The following UBE4A variants were observed in gnomAD, a reference collection of about 807,000 sequenced individuals.
UBE4A encodes ubiquitination factor E4A, also known as ubiquitin conjugation factor E4 A.
UBE4A carries 48 observed loss-of-function variants against 117.9 expected under a neutral mutation model. The ratio of observed to expected loss-of-function variants is 0.41; its 90% CI spans 0.32 to 0.52. The LOEUF is 0.52. Among genes scored for constraint, UBE4A ranks in the 20% least tolerant of loss-of-function variants. The pLI is 0.33. For synonymous variants in UBE4A, 407 were observed against 450.0 expected, an observed-to-expected ratio of 0.90 and a Z score of 1.21; for missense variants, 1,067 against 1,296.3, an observed-to-expected ratio of 0.82 and a Z score of 2.72.
chr11:118,363,268 G>A (rs548511344), intron 1 of UBE4A, among the ~76,000 whole-genome samples: 100 of 152,238 alleles, frequency 6.6e-4, no homozygotes, highest in African/African-American at 2.1e-3. Context: ...AAGGCCAGGC[G>A]CAGTGACTCA....
intron 13 of UBE4A, 92 bp downstream of exon 13, chr11:118,382,868 C>G (rs1948718204): frequency 1.7e-6 from 2 of 1,208,354 alleles, no homozygotes; most frequent in Non-Finnish European, 2.2e-6. Context: ...AAAGAAATGT[C>G]AAGCCATTAC....
chr11:118,361,885 A>G (rs1261511119), intron 1 of UBE4A, among the ~76,000 whole-genome samples: 1 of 152,242 alleles, frequency 6.6e-6, no homozygotes, highest in East Asian at 1.9e-4. Flanking sequence ...TGTGATGTAT[A>G]ATGCCAGACA....
chr11:118,370,008 T>A (rs944963573), intron 4 of UBE4A, among the ~76,000 whole-genome samples: 1 of 151,702 alleles, frequency 6.6e-6, no homozygotes, highest in African/African-American at 2.4e-5. Context: ...AGGAGAATGG[T>A]TTAAACCCAG....
chr11:118,364,575 G>A (rs1948547845), intron 1 of UBE4A, among the ~76,000 whole-genome samples: 1 of 151,972 alleles, frequency 6.6e-6, no homozygotes, highest in Admixed American at 6.6e-5. Flanking sequence ...TCCATCCCCA[G>A]CCCTAAGTCA....
chr11:118,372,467 A>G (rs1403258403), intron 5 of UBE4A, 40 bp from the exon 6 acceptor site: 2 of 1,569,020 alleles, frequency 1.3e-6, no homozygotes, highest in Admixed American at 2.0e-5. Context: ...TCCAGATTAC[A>G]GAGTTAGACT....
chr11:118,368,824 C>T lies in UBE4A; in HGVS notation c.295+20C>T. On this transcript the variant is annotated intron_variant, in intron 3 of 19. Transcript: ENST00000252108. ...ACAACAGTGAGTTACAAACTTATAG[C>T]ATTATTCTACCCTTCCTATTTGAGC... The T allele has an allele frequency of 1.2e-6, 2 of 1,612,794 alleles. No homozygotes were observed. Among genetic ancestry groups the T allele is most frequent in the Non-Finnish European group, 8.5e-7 (1 of 1,179,072 alleles).
In UBE4A at chr11:118,389,775, A is replaced by AT; in HGVS notation, c.2639dup (p.Met880IlefsTer26). ...CTTCCTGGCTGAGCGCATCATCTCC[A>AT]TGTTGAACTACTTCCTGCAACACCT... On this transcript the variant is annotated frameshift_variant, in exon 17 of 20. Coordinates refer to ENST00000252108, the MANE Select transcript of UBE4A (RefSeq NM_001204077.2). LOFTEE classifies it high-confidence loss of function. 6.2e-7 allele frequency: 1 copy of AT among 1,613,862 alleles called. No individual in the cohort carries two copies. The highest frequency in any genetic ancestry group is 8.5e-7 in the Non-Finnish European group (1 of 1,179,794).
chr11:118,381,027 G>A (rs1446317639), intron 11 of UBE4A, among the ~76,000 whole-genome samples: 1 of 152,106 alleles, frequency 6.6e-6, no homozygotes, highest in Non-Finnish European at 1.5e-5. Context: ...ATGATCATTG[G>A]AGGACCATCC....
chr11:118,386,728 A>C, intron 16 of UBE4A, 116 bp downstream of exon 16: 1 of 1,152,872 alleles, frequency 8.7e-7, no homozygotes, highest in Non-Finnish European at 1.2e-6. Context: ...TATCCTCCAC[A>C]TCTGGAAGGG....
In UBE4A at chr11:118,384,633, A is replaced by G. The variant is rs1307700675; in HGVS notation, c.2198-2A>G. 11 of 1,613,776 alleles carry G rather than the reference A, an allele frequency of 6.8e-6. No individual in the cohort carries two copies. Among genetic ancestry groups the G allele is most frequent in the Non-Finnish European group, 6.8e-6 (8 of 1,179,876 alleles). On this transcript the variant is annotated splice_acceptor_variant, in intron 13 of 19. Coordinates refer to ENST00000252108, the MANE Select transcript of UBE4A (RefSeq NM_001204077.2). LOFTEE classifies it high-confidence loss of function. ...TGATATTTCGCTCTTGCCTTACTCCAGGAGACCCCCATCAATTTGAACAGA... is the reference window on the plus strand; with the variant it reads ...TGATATTTCGCTCTTGCCTTACTCCGGGAGACCCCCATCAATTTGAACAGA...
At chr11:118,386,661 C>T (rs782171537) in intron 16 of UBE4A, 49 bp downstream of exon 16, 34 of 1,475,652 alleles carry the variant, frequency 2.3e-5, no homozygotes, top group Non-Finnish European at 3.0e-5. Context: ...TGGCCAAGAT[C>T]AGCTTCACTT....
chr11:118,367,259 AT>A (rs1948571649), intron 2 of UBE4A, among the ~76,000 whole-genome samples: 1 of 151,894 alleles, frequency 6.6e-6, no homozygotes, highest in South Asian at 2.1e-4. Context: ...AAAAAAAAAA[AT>A]CGAAGGAATT....
chr11:118,397,677 C>T lies in UBE4A; in HGVS notation c.*1237C>T, dbSNP rs1362176602. On this transcript the variant is annotated 3_prime_UTR_variant, in exon 20 of 20. Coordinates refer to ENST00000252108, the MANE Select transcript of UBE4A (RefSeq NM_001204077.2). ...ATTCCCCTATGGATTATCTTTATATCACTGTCTTTCTAAGCCCAGAGATGT... is the reference window on the plus strand; with the variant it reads ...ATTCCCCTATGGATTATCTTTATATTACTGTCTTTCTAAGCCCAGAGATGT... 1 of 152,184 alleles carries T rather than the reference C, an allele frequency of 6.6e-6. No individual in the cohort carries two copies. Among genetic ancestry groups the T allele is most frequent in the African/African-American group, 2.4e-5 (1 of 41,452 alleles). 9.4% of individuals were successfully genotyped at this position (152,184 alleles called of 1,614,324 possible).
intron 6 of UBE4A, 110 bp from the exon 7 acceptor site, chr11:118,372,976 C>T: frequency 1.8e-6 from 2 of 1,083,574 alleles, no homozygotes; most frequent in Non-Finnish European, 1.3e-6. Flanking sequence ...AAAACAAGAC[C>T]CCCAGCTCTA....
intron 1 of UBE4A, among the ~76,000 whole-genome samples, chr11:118,359,903 T>G (rs1284352919): frequency 6.6e-6 from 1 of 152,174 alleles, no homozygotes; most frequent in African/African-American, 2.4e-5. Context: ...TGTCCCCATC[T>G]TTGCCAAGCC....
Position 118,376,602 on chromosome 11 carries a change from A to C in UBE4A, c.1479A>C (p.Pro493=), listed in dbSNP as rs1555125413. ...RGLDKETCLI[P]AVQEPKFPQN... ...TGGACAAAGAAACCTGTTTGATCCC[A>C]GCTGTGCAGGAGCCGAAGTTTCCAC... The change falls in exon 10 of 20, where the codon CCA becomes CCC. Residue 493 remains proline, a synonymous_variant. Coordinates refer to ENST00000252108, the MANE Select transcript of UBE4A (RefSeq NM_001204077.2). 6.2e-7 allele frequency: 1 copy of C among 1,613,884 alleles called. No individual in the cohort carries two copies. The highest frequency in any genetic ancestry group is 2.2e-5 in the East Asian group (1 of 44,878).
At chr11:118,370,297 TC>T (rs1565530550) in intron 4 of UBE4A, among the ~76,000 whole-genome samples, 1 of 152,076 alleles carries the variant, frequency 6.6e-6, no homozygotes. Context: ...CTTCTTTATA[TC>T]CTTTCTATCT....
chr11:118,371,780 G>T (rs1268881105), intron 5 of UBE4A, 114 bp downstream of exon 5: 1 of 1,145,508 alleles, frequency 8.7e-7, no homozygotes, highest in African/African-American at 1.5e-5. Context: ...AGTATGTCTA[G>T]AAGTGAATAT....
At chr11:118,363,606 C>CTTTTTTTTTTT (rs199847839) in intron 1 of UBE4A, among the ~76,000 whole-genome samples, 1 of 122,844 alleles carries the variant, frequency 8.1e-6, no homozygotes, top group Non-Finnish European at 1.7e-5. Flanking sequence ...ACCACATTAG[C>CTTTTTTTTTTT]TTTTTTTTTT....
Sources: allele counts gnomAD v4.1 joint callset (sites outside exome capture counted in the v4.1 genomes callset), GRCh38; gene constraint gnomAD v4.1.1; transcripts MANE v1.5; gene names NCBI Gene and HGNC (gene_info 2026-07-23, HGNC 2026-07-21).